FBLN7: variants seen among roughly 807,000 people sequenced by gnomAD.
The protein encoded by FBLN7 is fibulin-7.
Under a neutral mutation model 44.0 loss-of-function variants are expected in FBLN7, and 31 were observed. The observed-to-expected ratio is 0.70, with a 90% confidence interval of 0.53 to 0.95. The LOEUF is 0.95. FBLN7 is among the 40% of genes least tolerant of loss of function. The pLI is 0.00. For missense variants in FBLN7, 573 were observed against 618.5 expected (o/e 0.93, Z 0.78); for synonymous variants, 262 against 253.4 (o/e 1.03, Z -0.32).
the FBLN7 span, chr2:112,231,051 T>C: frequency 2.6e-6 from 2 of 766,324 alleles, no homozygotes; most frequent in Non-Finnish European, 3.5e-6. Flanking sequence ...ATCAAATTCA[T>C]CCTAATAATC....
chr2:112,186,696 T>C (rs1172268481), intron 7 of FBLN7, among the ~76,000 whole-genome samples: 1 of 152,142 alleles, frequency 6.6e-6, no homozygotes, highest in Admixed American at 6.5e-5. Context: ...GTACACCGTG[T>C]GGGAAGCACT....
At chr2:112,163,589 C>T (rs1681986994) in intron 2 of FBLN7, among the ~76,000 whole-genome samples, 1 of 152,176 alleles carries the variant, frequency 6.6e-6, no homozygotes, top group Admixed American at 6.5e-5. Flanking sequence ...ATCAGTCCTT[C>T]GGGAAATCTT....
the FBLN7 span, among the ~76,000 whole-genome samples, chr2:112,207,655 G>T: frequency 6.6e-6 from 1 of 152,046 alleles, no homozygotes; most frequent in Non-Finnish European, 1.5e-5. Context: ...TCTATTTCTT[G>T]TCTCAGTTCT....
At chr2:112,199,951 A>T in the FBLN7 span, among the ~76,000 whole-genome samples, 1 of 152,182 alleles carries the variant, frequency 6.6e-6, no homozygotes, top group Non-Finnish European at 1.5e-5. Flanking sequence ...TGCCAGTTCC[A>T]TGCTCTTGAA....
chr2:112,160,128 C>A (rs112706833), intron 2 of FBLN7, among the ~76,000 whole-genome samples: 1 of 152,142 alleles, frequency 6.6e-6, no homozygotes, highest in African/African-American at 2.4e-5. Flanking sequence ...GTAGCTGGGA[C>A]TACAGGCGCC....
At chr2:112,233,335 C>T in the FBLN7 span, 1,074 of 1,596,280 alleles carry the variant, frequency 6.7e-4, no homozygotes, top group Non-Finnish European at 8.5e-4. Context: ...TTTTTCTTTT[C>T]TATCTCTGCA....
At chr2:112,167,152 ATAT>A (rs1321764103) in intron 3 of FBLN7, among the ~76,000 whole-genome samples, 3 of 152,206 alleles carry the variant, frequency 2.0e-5, no homozygotes, top group Non-Finnish European at 2.9e-5. Flanking sequence ...GCTTGCTCAG[ATAT>A]TATCCAAATA....
the FBLN7 span, among the ~76,000 whole-genome samples, chr2:112,222,043 T>C: frequency 6.6e-6 from 1 of 152,126 alleles, no homozygotes; most frequent in Non-Finnish European, 1.5e-5. Flanking sequence ...TTTTTTGCTT[T>C]TTTCTTCTTG....
chr2:112,198,797 C>T, the FBLN7 span, among the ~76,000 whole-genome samples: 4 of 152,146 alleles, frequency 2.6e-5, no homozygotes, highest in Non-Finnish European at 5.9e-5. Flanking sequence ...TTTCCAACCT[C>T]CAGAACTGTG....
the FBLN7 span, chr2:112,211,435 G>A: frequency 2.0e-5 from 3 of 152,156 alleles, no homozygotes; most frequent in Non-Finnish European, 4.4e-5. Context: ...CTACAGAAAG[G>A]AGAGGGGGCA....
downstream of FBLN7, chr2:112,189,203 T>C (rs1683401738): frequency 6.6e-6 from 1 of 152,212 alleles, no homozygotes; most frequent in African/African-American, 2.4e-5. Context: ...CCAGAGCAGG[T>C]GCCCTCTAAA....
At chr2:112,219,998 T>C in the FBLN7 span, among the ~76,000 whole-genome samples, 2 of 152,222 alleles carry the variant, frequency 1.3e-5, no homozygotes. Flanking sequence ...TTCCATTTGC[T>C]TAGTAGATTT....
chr2:112,168,721 A>G (rs1421221140), intron 3 of FBLN7, among the ~76,000 whole-genome samples: 2 of 152,302 alleles, frequency 1.3e-5, no homozygotes, highest in Non-Finnish European at 2.9e-5. Flanking sequence ...ACCAGCAACC[A>G]CTGAGCACAC....
intron 3 of FBLN7, among the ~76,000 whole-genome samples, chr2:112,173,613 G>A (rs7563657): frequency 0.021 from 3,252 of 152,304 alleles, 113 homozygotes; most frequent in African/African-American, 0.074. Flanking sequence ...AAAATCCTTA[G>A]CTAGGCTTCA....
chr2:112,183,650 G>T (rs1045052317), intron 6 of FBLN7, among the ~76,000 whole-genome samples: 1 of 152,158 alleles, frequency 6.6e-6, no homozygotes, highest in Non-Finnish European at 1.5e-5. Flanking sequence ...TGCAGAGAGT[G>T]GGTTGGGGGG....
At chr2:112,239,709 C>G in the FBLN7 span, among the ~76,000 whole-genome samples, 7 of 151,576 alleles carry the variant, frequency 4.6e-5, no homozygotes, top group Non-Finnish European at 1.0e-4. Flanking sequence ...CTCAGCCTCC[C>G]GAGTAGCTGG....
At chr2:112,233,826 G>A in the FBLN7 span, among the ~76,000 whole-genome samples, 3 of 151,946 alleles carry the variant, frequency 2.0e-5, no homozygotes, top group South Asian at 2.1e-4. Flanking sequence ...CCGAGAATGC[G>A]CCACTGCACT....
chr2:112,208,901 T>A, the FBLN7 span, among the ~76,000 whole-genome samples: 1 of 152,190 alleles, frequency 6.6e-6, no homozygotes, highest in Non-Finnish European at 1.5e-5. Context: ...ATTAACCCTC[T>A]GGACCTATCT....
chr2:112,182,942 CAG>C lies in FBLN7; in HGVS notation c.808+17_808+18del. The C allele has an allele frequency of 1.9e-6, 3 of 1,610,896 alleles. No individual in the cohort carries two copies. Among genetic ancestry groups the C allele is most frequent in the Non-Finnish European group, 2.5e-6 (3 of 1,179,520 alleles). On this transcript the variant is annotated intron_variant, in intron 6 of 7. Transcript: ENST00000331203. ...AGAGCTGTGAGGGTGAGTGAGGCTA[CAG>C]AGTGTCGTCTGCACCCAGCCACCTG...
Sources: gnomAD v4.1 joint callset for allele counts (sites outside exome capture counted in the v4.1 genomes callset) on GRCh38, gnomAD v4.1.1 for gene constraint, MANE v1.5 for transcripts, NCBI Gene and HGNC (gene_info 2026-07-23, HGNC 2026-07-21) for gene names.